The following EPM2A variants were observed in gnomAD, a reference collection of about 807,000 sequenced individuals.
The protein encoded by EPM2A is laforin.
Under a neutral mutation model 26.5 loss-of-function variants are expected in EPM2A, and 21 were observed. The ratio of observed to expected loss-of-function variants is 0.79; its 90% CI spans 0.56 to 1.14. The LOEUF is 1.14. Among genes scored for constraint, EPM2A ranks in the 50% most tolerant of loss-of-function variants. The pLI, the probability that EPM2A is intolerant of heterozygous loss-of-function variation, is 0.00. For synonymous variants in EPM2A, 217 were observed against 177.6 expected (o/e 1.22, Z -1.76); for missense variants, 458 against 440.8 (o/e 1.04, Z -0.35).
chr6:145,621,819 G>A (rs1031381466), downstream of EPM2A, among the ~76,000 whole-genome samples: 3 of 152,040 alleles, frequency 2.0e-5, no homozygotes, highest in African/African-American at 7.2e-5. Flanking sequence ...ACGTGTTTGG[G>A]TTCCTTATGC....
chr6:145,642,492 G>A (rs1328788842), intron 2 of EPM2A, among the ~76,000 whole-genome samples: 1 of 152,156 alleles, frequency 6.6e-6, no homozygotes, highest in African/African-American at 2.4e-5. Flanking sequence ...GCAACAGTAA[G>A]CAAGACAAAG....
At chr6:145,403,912 C>A (rs1197363915) in intron 4 of EPM2A, among the ~76,000 whole-genome samples, 1 of 152,104 alleles carries the variant, frequency 6.6e-6, no homozygotes, top group Non-Finnish European at 1.5e-5. Flanking sequence ...TTCTCCACAT[C>A]CTTGTCAGCA....
chr6:145,509,564 G>A (rs567356670), intron 2 of EPM2A, among the ~76,000 whole-genome samples: 46 of 152,252 alleles, frequency 3.0e-4, no homozygotes, highest in African/African-American at 9.4e-4. Flanking sequence ...GCACTAGACT[G>A]GCCCTATAAG....
chr6:145,401,040 A>C lies in EPM2A; in HGVS notation c.556-16943T>G, dbSNP rs1172888544. Among the ~76,000 whole-genome samples, 5 of 152,210 alleles carry C rather than the reference A, an allele frequency of 3.3e-5. No homozygotes were observed. In the East Asian group the frequency reaches 9.6e-4, roughly 29 times the overall value. ...TACCTTTGACTTTACTAAAGGGTTT[A>C]ATAATTGAATAAAGTTCTTAATACA... On this transcript the variant is annotated intron_variant, in intron 4 of 4. Coordinates refer to the EPM2A transcript ENST00000638717.
chr6:145,701,164 A>T (rs1213606202), intron 1 of EPM2A, among the ~76,000 whole-genome samples: 1 of 152,246 alleles, frequency 6.6e-6, no homozygotes, highest in East Asian at 1.9e-4. Context: ...CCGTAATCAT[A>T]AACTACACAT....
chr6:145,686,558 T>C lies in EPM2A; in HGVS notation c.302-262A>G, dbSNP rs535172652. Among the ~76,000 whole-genome samples the C allele has an allele frequency of 1.1e-4, 16 of 152,266 alleles. No homozygotes were observed. The East Asian group carries it at 1.9e-3, about 18-fold the overall frequency. On this transcript the variant is annotated intron_variant, in intron 1 of 3. Transcript: ENST00000367519. ...GCATGTTAACTCTTTCAGAGCTTCA[T>C]GGTACCTCTCAGTGCTCTAAGAGGC... is the stretch of plus-strand genomic sequence containing the variant.
At chr6:145,698,272 A>T (rs1450043897) in intron 1 of EPM2A, among the ~76,000 whole-genome samples, 2 of 152,224 alleles carry the variant, frequency 1.3e-5, no homozygotes, top group Non-Finnish European at 2.9e-5. Flanking sequence ...TCTATGAGAA[A>T]ATAGACAAAT....
chr6:145,549,709 C>T (rs1167396142), intron 2 of EPM2A, among the ~76,000 whole-genome samples: 5 of 152,068 alleles, frequency 3.3e-5, no homozygotes, highest in African/African-American at 1.2e-4. Context: ...TCAGCTGTAC[C>T]AGAGGGTGCC....
At chr6:145,657,351 T>G (rs1042421561) in intron 2 of EPM2A, among the ~76,000 whole-genome samples, 12 of 152,040 alleles carry the variant, frequency 7.9e-5, no homozygotes, top group Non-Finnish European at 1.3e-4. Context: ...GCCTACCAAA[T>G]GTGCTGGGAT....
intron 4 of EPM2A, among the ~76,000 whole-genome samples, chr6:145,471,948 A>T (rs1278629297): frequency 6.6e-6 from 1 of 151,428 alleles, no homozygotes. Context: ...CAATGCTGGC[A>T]TCATGCCTCC....
intron 4 of EPM2A, among the ~76,000 whole-genome samples, chr6:145,419,678 T>C (rs1778756867): frequency 6.6e-6 from 1 of 152,198 alleles, no homozygotes; most frequent in Non-Finnish European, 1.5e-5. Flanking sequence ...TTCATTGCAC[T>C]AAAGACTAAA....
intron 2 of EPM2A, among the ~76,000 whole-genome samples, chr6:145,526,913 G>C (rs1373687425): frequency 6.6e-6 from 1 of 151,776 alleles, no homozygotes; most frequent in African/African-American, 2.4e-5. Context: ...TTTTGATGCA[G>C]GTGTTTCGTG....
At chr6:145,437,445 T>G (rs879881369) in intron 4 of EPM2A, among the ~76,000 whole-genome samples, 17 of 152,186 alleles carry the variant, frequency 1.1e-4, no homozygotes, top group Non-Finnish European at 2.2e-4. Context: ...CCCCAAATAG[T>G]AAAATAAACT....
At chr6:145,552,046 G>A (rs933643728) in intron 2 of EPM2A, among the ~76,000 whole-genome samples, 1 of 151,590 alleles carries the variant, frequency 6.6e-6, no homozygotes, top group African/African-American at 2.4e-5. Flanking sequence ...TACAGAATCA[G>A]ATAACTAGAG....
intron 1 of EPM2A, among the ~76,000 whole-genome samples, chr6:145,699,578 T>C (rs540085520): frequency 1.3e-5 from 2 of 152,154 alleles, no homozygotes; most frequent in Non-Finnish European, 2.9e-5. Flanking sequence ...TTTAGACACA[T>C]GACAAAGAGT....
In EPM2A at chr6:145,465,550, T is replaced by A. The variant is rs1735388763; in HGVS notation, c.555+36972A>T. Among the ~76,000 whole-genome samples the A allele has an allele frequency of 2.6e-5, 4 of 151,116 alleles. No individual in the cohort carries two copies. The South Asian group carries it at 8.4e-4, about 32-fold the overall frequency. On this transcript the variant is annotated intron_variant, in intron 4 of 4. Transcript: ENST00000638717. ...CTTTGGAGAGGAGAGGCGCTCTGCT[T>A]TTTAGAGTTTCCAGTTTTTCTGCTC...
At chr6:145,544,442 T>C (rs1449016374) in intron 2 of EPM2A, among the ~76,000 whole-genome samples, 1 of 152,182 alleles carries the variant, frequency 6.6e-6, no homozygotes, top group Non-Finnish European at 1.5e-5. Context: ...CACTGCTTCC[T>C]TGGAAAAAGC....
rs566013919 is a variant in EPM2A, at chr6:145,611,068, C to A, written c.340+24177G>T. ...AAGATTTAGATTTAATTTATTTATC[C>A]TCTATTTCTGTCATTAAAAACAATA... On this transcript the variant is annotated intron_variant, in intron 2 of 3. Transcript: ENST00000450221. Among the ~76,000 whole-genome samples, 227 of 152,040 alleles carry A rather than the reference C, an allele frequency of 1.5e-3. 1 individual carries two copies. The highest frequency in any genetic ancestry group is 5.2e-3 in the African/African-American group (217 of 41,488).
chr6:145,733,542 C>T (rs1776621839), intron 1 of EPM2A, among the ~76,000 whole-genome samples: 1 of 152,042 alleles, frequency 6.6e-6, no homozygotes. Flanking sequence ...ATAGGGAGGA[C>T]TATCAGAAAA....
Sources: allele counts gnomAD v4.1 joint callset (sites outside exome capture counted in the v4.1 genomes callset), GRCh38; gene constraint gnomAD v4.1.1; transcripts MANE v1.5; gene names NCBI Gene and HGNC (gene_info 2026-07-23, HGNC 2026-07-21).